The following PTPRR variants were observed in gnomAD, a reference collection of about 807,000 sequenced individuals.
PTPRR encodes receptor-type tyrosine-protein phosphatase R.
A neutral mutation model predicts 77.2 loss-of-function variants in PTPRR; 38 were observed. That is an observed-to-expected ratio of 0.49 (90% confidence interval 0.38 to 0.65). The LOEUF (loss-of-function observed/expected upper bound fraction) is 0.65. Among genes scored for constraint, PTPRR ranks in the 30% least tolerant of loss-of-function variants. The pLI, the probability that PTPRR is intolerant of heterozygous loss-of-function variation, is 0.00. For synonymous variants in PTPRR, 299 were observed against 283.1 expected (o/e 1.06, Z -0.57); for missense variants, 744 against 799.2 (o/e 0.93, Z 0.83).
intron 2 of PTPRR, among the ~76,000 whole-genome samples, chr12:70,804,008 G>A (rs1891663088): frequency 6.6e-6 from 1 of 151,998 alleles, no homozygotes; most frequent in South Asian, 2.1e-4. Flanking sequence ...TTAGGGGAGT[G>A]CAAGCATTTG....
At chr12:70,896,431 T>TC (rs1228344893) in intron 1 of PTPRR, among the ~76,000 whole-genome samples, 1 of 151,082 alleles carries the variant, frequency 6.6e-6, no homozygotes, top group Non-Finnish European at 1.5e-5. Context: ...GAATACACAA[T>TC]CTTTTCACGT....
At chr12:70,866,218 A>G (rs1182537762) in intron 2 of PTPRR, among the ~76,000 whole-genome samples, 5 of 152,066 alleles carry the variant, frequency 3.3e-5, no homozygotes, top group Non-Finnish European at 7.4e-5. Flanking sequence ...GACACAAAAA[A>G]CCCTTCAAAA....
rs755613899 is a variant in PTPRR, at chr12:70,892,769, T to C, written c.267A>G (p.Ala89=). 15 of 1,613,446 alleles carry C rather than the reference T, an allele frequency of 9.3e-6. No homozygotes were observed. The highest frequency in any genetic ancestry group is 8.8e-5 in the South Asian group (8 of 91,082). ...QIVNSAFPRP[A]YDPSLNLLAM... Reference sequence around the variant, plus strand: ...CCAGCAGATTGAGAGACGGGTCATATGCGGGTCTAGGAAATGCTGAATTGA... The same window carrying C: ...CCAGCAGATTGAGAGACGGGTCATACGCGGGTCTAGGAAATGCTGAATTGA... Residue 89 remains alanine, a synonymous_variant, in exon 2 of 14, where the codon GCA becomes GCG. Transcript: ENST00000283228.
intron 3 of PTPRR, among the ~76,000 whole-genome samples, chr12:70,764,327 A>T (rs939156082): frequency 3.3e-5 from 5 of 152,158 alleles, no homozygotes; most frequent in African/African-American, 1.2e-4. Flanking sequence ...TCAGGTTGGT[A>T]AGGCAAGTGT....
At chr12:70,765,288 A>T (rs1890789877) in intron 2 of PTPRR, among the ~76,000 whole-genome samples, 1 of 152,188 alleles carries the variant, frequency 6.6e-6, no homozygotes, top group Admixed American at 6.5e-5. Flanking sequence ...GCACCTGGAA[A>T]ATCGGGTCAC....
intron 10 of PTPRR, among the ~76,000 whole-genome samples, chr12:70,678,383 G>A (rs562728722): frequency 2.9e-4 from 44 of 152,100 alleles, no homozygotes; most frequent in African/African-American, 8.9e-4. Flanking sequence ...ACTCATTAGC[G>A]TTTTCAGATT....
intron 6 of PTPRR, among the ~76,000 whole-genome samples, chr12:70,733,450 G>GAAAAAAAAAAA (rs1191607128): frequency 1.3e-5 from 1 of 75,538 alleles, no homozygotes; most frequent in African/African-American, 8.0e-5. Context: ...AAAAAAGAAA[G>GAAAAAAAAAAA]AAAAAAAGAA....
intron 2 of PTPRR, among the ~76,000 whole-genome samples, chr12:70,891,079 G>A (rs958621011): frequency 6.6e-6 from 1 of 152,130 alleles, no homozygotes; most frequent in African/African-American, 2.4e-5. Context: ...CATGGTCAGA[G>A]GCTAGGGAAA....
chr12:70,709,741 T>C (rs895188804), intron 6 of PTPRR, among the ~76,000 whole-genome samples: 1 of 152,048 alleles, frequency 6.6e-6, no homozygotes, highest in Non-Finnish European at 1.5e-5. Context: ...CCATTCACAA[T>C]TGCCCCAAAA....
intron 6 of PTPRR, among the ~76,000 whole-genome samples, chr12:70,726,648 A>G (rs1889449354): frequency 1.3e-5 from 2 of 150,812 alleles, no homozygotes; most frequent in African/African-American, 4.9e-5. Context: ...TGGCGTGATC[A>G]TAGCTCACTG....
chr12:70,828,767 C>T (rs965851169), intron 2 of PTPRR, among the ~76,000 whole-genome samples: 1 of 152,166 alleles, frequency 6.6e-6, no homozygotes, highest in Non-Finnish European at 1.5e-5. Flanking sequence ...CCTAAAACAA[C>T]TTGTCTTGTT....
intron 10 of PTPRR, among the ~76,000 whole-genome samples, chr12:70,665,538 C>G (rs139921204): frequency 1.3e-5 from 2 of 151,522 alleles, no homozygotes; most frequent in African/African-American, 4.8e-5. Flanking sequence ...TGCACCATCA[C>G]GCCCAGCTAA....
intron 1 of PTPRR, among the ~76,000 whole-genome samples, chr12:70,894,417 C>T (rs1193428512): frequency 6.6e-6 from 1 of 151,608 alleles, no homozygotes; most frequent in Non-Finnish European, 1.5e-5. Context: ...AGAATCACCT[C>T]TACATCAGTG....
chr12:70,755,890 C>A (rs1047153111), intron 4 of PTPRR, among the ~76,000 whole-genome samples: 1 of 151,990 alleles, frequency 6.6e-6, no homozygotes, highest in Non-Finnish European at 1.5e-5. Flanking sequence ...ATAAGCATAG[C>A]TGGAAACTAA....
chr12:70,733,450 G>GAA (rs1191607128), intron 6 of PTPRR, among the ~76,000 whole-genome samples: 2 of 75,538 alleles, frequency 2.6e-5, no homozygotes, highest in South Asian at 3.8e-4. Flanking sequence ...AAAAAAGAAA[G>GAA]AAAAAAAGAA....
intron 2 of PTPRR, among the ~76,000 whole-genome samples, chr12:70,857,263 A>G (rs1487785810): frequency 6.6e-6 from 1 of 152,176 alleles, no homozygotes; most frequent in Non-Finnish European, 1.5e-5. Context: ...CAGACAGAGT[A>G]GTAGTAGGAA....
intron 2 of PTPRR, among the ~76,000 whole-genome samples, chr12:70,855,909 T>C (rs1892643938): frequency 6.6e-6 from 1 of 152,164 alleles, no homozygotes; most frequent in Non-Finnish European, 1.5e-5. Flanking sequence ...TTATAGGTAG[T>C]TGGAGACAAT....
chr12:70,663,705 T>C (rs1886877884), intron 10 of PTPRR, among the ~76,000 whole-genome samples: 1 of 152,162 alleles, frequency 6.6e-6, no homozygotes, highest in African/African-American at 2.4e-5. Flanking sequence ...AAATGACAAA[T>C]GTTTATGTTT....
At chr12:70,798,772 A>C (rs191371774) in intron 2 of PTPRR, among the ~76,000 whole-genome samples, 3 of 113,024 alleles carry the variant, frequency 2.7e-5, no homozygotes, top group African/African-American at 3.5e-5. Context: ...CACATTCTCT[A>C]TCTCAGTATC....
Sources: allele counts gnomAD v4.1 joint callset (sites outside exome capture counted in the v4.1 genomes callset), GRCh38; gene constraint gnomAD v4.1.1; transcripts MANE v1.5; gene names NCBI Gene and HGNC (gene_info 2026-07-23, HGNC 2026-07-21).